Variants in AGO3 observed in about 807,000 individuals in gnomAD.
The protein encoded by AGO3 is protein argonaute-3.
AGO3 carries 16 observed loss-of-function variants against 105.5 expected under a neutral mutation model. The observed-to-expected ratio is 0.15, with a 90% CI of 0.10 to 0.23. The LOEUF is 0.23. AGO3 is among the 10% of genes least tolerant of loss of function. AGO3 has a pLI of 1.00. For missense variants in AGO3, 534 were observed against 1,088.0 expected (o/e 0.49, Z 7.16); for synonymous variants, 340 against 367.3 (o/e 0.93, Z 0.85).
intron 5 of AGO3, chr1:35,982,946 C>A: frequency 3.5e-6 from 1 of 286,844 alleles, no homozygotes; most frequent in East Asian, 6.0e-5. Flanking sequence ...AGAACCAGTA[C>A]GAAGTATAGA....
chr1:36,007,186 A>T (rs989902023), intron 6 of AGO3, among the ~76,000 whole-genome samples: 2 of 152,232 alleles, frequency 1.3e-5, no homozygotes, highest in African/African-American at 4.8e-5. Flanking sequence ...CAGTATAGGA[A>T]TCACAAATAT....
At position 36,059,145 on chromosome 1, in the gene AGO3, C is replaced by T. The variant is rs1642993188; in HGVS notation, c.*3400C>T. ...TTTTTTCTAAATTATAAAGCTTTAC[C>T]TTTTGAGTGATTTCTTTTTTAGAGT... On this transcript the variant is annotated 3_prime_UTR_variant, in exon 19 of 19. Coordinates refer to ENST00000373191, the MANE Select transcript of AGO3 (RefSeq NM_024852.4). The T allele has an allele frequency of 6.6e-6, 1 of 151,898 alleles. No individual in the cohort carries two copies. The highest frequency in any genetic ancestry group is 2.1e-4 in the South Asian group (1 of 4,822). 9.4% of individuals were successfully genotyped at this position (151,898 alleles called of 1,614,324 possible). A position where few individuals can be genotyped will look rare whatever the true frequency, so the allele number is the denominator to read the frequency against.
chr1:35,931,134 A>C lies in AGO3; in HGVS notation c.-293A>C, dbSNP rs1460933269. 2 of 380,350 alleles carry C rather than the reference A, an allele frequency of 5.3e-6. No homozygotes were observed. Among genetic ancestry groups the C allele is most frequent in the Non-Finnish European group, 9.3e-6 (2 of 215,206 alleles). 23.6% of individuals were successfully genotyped at this position (380,350 alleles called of 1,614,324 possible). ...CGGCGGCGGCGGCCCGCAGTCGTGG[A>C]GGAGCGGTGGGAGCGTCGGCGGCCG... On this transcript the variant is annotated 5_prime_UTR_variant, in exon 1 of 19. Transcript: ENST00000373191.
At chr1:35,974,415 A>C (rs930370711) in intron 5 of AGO3, among the ~76,000 whole-genome samples, 6 of 152,110 alleles carry the variant, frequency 3.9e-5, no homozygotes, top group Non-Finnish European at 8.8e-5. Flanking sequence ...GTTCTGTAGA[A>C]TATGTTCAAA....
chr1:35,954,895 G>A (rs1646536725), intron 2 of AGO3, among the ~76,000 whole-genome samples: 1 of 152,176 alleles, frequency 6.6e-6, no homozygotes, highest in African/African-American at 2.4e-5. Flanking sequence ...TCATATATGT[G>A]GTCTGTAATT....
intron 1 of AGO3, among the ~76,000 whole-genome samples, chr1:35,933,182 T>C (rs1433233174): frequency 6.6e-6 from 1 of 152,194 alleles, no homozygotes; most frequent in Non-Finnish European, 1.5e-5. Context: ...TAAAGTTTTT[T>C]CTTCAGTACA....
rs974841712 is a variant in AGO3, at chr1:36,057,643, T to G, written c.*1898T>G. ...TACAGCCTTAATTTCAGAAGGAAAG[T>G]TTTGTAATTTTCAGTTTTAAAGCAT... is the stretch of plus-strand genomic sequence containing the variant. On this transcript the variant is annotated 3_prime_UTR_variant, in exon 19 of 19. Coordinates refer to ENST00000373191, the MANE Select transcript of AGO3 (RefSeq NM_024852.4). 6.6e-6 allele frequency: 1 copy of G among 152,098 alleles called. No individual in the cohort carries two copies. The highest frequency in any genetic ancestry group is 2.4e-5 in the African/African-American group (1 of 41,424). 9.4% of individuals were successfully genotyped at this position (152,098 alleles called of 1,614,324 possible). A position where few individuals can be genotyped will look rare whatever the true frequency, so the allele number is the denominator to read the frequency against.
Position 36,008,779 on chromosome 1 carries a change from TAAG to T in AGO3, c.881+5_881+7del. On this transcript the variant is annotated splice_donor_5th_base_variant and intron_variant, in intron 7 of 18. Transcript: ENST00000373191. This position sits in a 1 kb window ranked among gnomAD's most constrained non-coding sequence, Gnocchi z 5.1. ...AAGGAGGCCTGCCAGTCATCAAACG[TAAG>T]AAAAGTTTGTCAGAGCAGCGATGGT... 6.2e-7 allele frequency: 1 copy of T among 1,614,092 alleles called. No homozygotes were observed. The highest frequency in any genetic ancestry group is 8.5e-7 in the Non-Finnish European group (1 of 1,180,008).
chr1:35,938,826 G>C (rs1380044543), intron 1 of AGO3, among the ~76,000 whole-genome samples: 1 of 152,004 alleles, frequency 6.6e-6, no homozygotes, highest in Non-Finnish European at 1.5e-5. Flanking sequence ...TGTTATAGTT[G>C]ATTTTGATTT....
In AGO3 at chr1:36,063,822, C is replaced by T. The variant is rs1477129075; in HGVS notation, c.*8077C>T. 6.6e-6 allele frequency: 1 copy of T among 152,156 alleles called. No individual in the cohort carries two copies. The highest frequency in any genetic ancestry group is 6.5e-5 in the Admixed American group (1 of 15,272). The allele number at this position is 152,156 out of a possible 1,614,324, so 9.4% of individuals were successfully genotyped here. A position where few individuals can be genotyped will look rare whatever the true frequency, so the allele number is the denominator to read the frequency against. ...TTTGTTTTGTGGCACTATCATAGTT[C>T]ACTATAACTTCAAACTCCTGGGCTC... is the stretch of plus-strand genomic sequence containing the variant. On this transcript the variant is annotated 3_prime_UTR_variant, in exon 19 of 19. Transcript: ENST00000373191.
At chr1:35,998,885 A>AT (rs1569701079) in intron 5 of AGO3, among the ~76,000 whole-genome samples, 1 of 152,056 alleles carries the variant, frequency 6.6e-6, no homozygotes, top group African/African-American at 2.4e-5. Flanking sequence ...GATATTCTAC[A>AT]TTTTTCAATA....
intron 5 of AGO3, among the ~76,000 whole-genome samples, chr1:36,003,410 G>A (rs924563044): frequency 6.6e-6 from 1 of 151,920 alleles, no homozygotes; most frequent in African/African-American, 2.4e-5. Flanking sequence ...ATTACTATCT[G>A]TAGACTGAGC....
intron 5 of AGO3, 85 bp downstream of exon 5, chr1:35,973,596 A>T: frequency 7.8e-7 from 1 of 1,281,254 alleles, no homozygotes; most frequent in Admixed American, 2.9e-5. Flanking sequence ...AATTATACAT[A>T]CTGGTGTCTC....
Position 36,034,298 on chromosome 1 carries a change from C to G in AGO3, c.1716C>G (p.Leu572=). Residue 572 remains leucine (L), a synonymous_variant, in exon 13 of 19, where the codon CTC becomes CTG. Transcript: ENST00000373191. ...SNLCLKINVK[L]GGINNILVPH... ...TGTGCCTAAAGATAAATGTTAAACT[C>G]GGAGGGATCAATAATATTCTTGTAC... 2 of 1,606,668 alleles carry G rather than the reference C, an allele frequency of 1.2e-6. No individual in the cohort carries two copies. The highest frequency in any genetic ancestry group is 1.7e-6 in the Non-Finnish European group (2 of 1,177,390).
At chr1:36,035,866 A>C (rs1641979646) in intron 13 of AGO3, among the ~76,000 whole-genome samples, 1 of 151,814 alleles carries the variant, frequency 6.6e-6, no homozygotes, top group Non-Finnish European at 1.5e-5. Flanking sequence ...CCCCATCTCT[A>C]CTAAAAAATA....
intron 2 of AGO3, among the ~76,000 whole-genome samples, chr1:35,954,271 C>T (rs889942803): frequency 9.2e-5 from 14 of 152,060 alleles, no homozygotes; most frequent in African/African-American, 3.4e-4. Context: ...CATCTAAATA[C>T]AATACTAAGT....
chr1:36,027,199 G>C lies in AGO3; in HGVS notation c.1492G>C (p.Gly498Arg), dbSNP rs1641543420. The C allele has an allele frequency of 6.2e-7, 1 of 1,614,182 alleles. No individual in the cohort carries two copies. Among genetic ancestry groups the C allele is most frequent in the Non-Finnish European group, 8.5e-7 (1 of 1,180,010 alleles). The part of the protein sequence containing the change: ...GQPCFCKYAQ[G>R]ADSVEPMFRH... ...GCCATGCTTCTGCAAATATGCACAG[G>C]GGGCAGACAGCGTAGAGCCCATGTT... is the stretch of plus-strand genomic sequence containing the variant. Residue 498 changes from glycine to arginine, a missense_variant, in exon 12 of 19, where the codon GGG becomes CGG. Coordinates refer to ENST00000373191, the MANE Select transcript of AGO3 (RefSeq NM_024852.4). This position sits in a 1 kb window ranked among gnomAD's most constrained non-coding sequence, Gnocchi z 4.0.
chr1:36,018,677 C>G (rs1251381001), intron 11 of AGO3, among the ~76,000 whole-genome samples: 2 of 152,212 alleles, frequency 1.3e-5, no homozygotes, highest in Admixed American at 1.3e-4. Flanking sequence ...GTGATTCACC[C>G]GCCTTGGCCT....
At chr1:36,044,540 C>G (rs986587577) in intron 17 of AGO3, among the ~76,000 whole-genome samples, 12 of 152,190 alleles carry the variant, frequency 7.9e-5, no homozygotes, top group African/African-American at 2.9e-4. Context: ...TCTCATGCCT[C>G]AGCCTCCCTA....
Sources: allele counts gnomAD v4.1 joint callset (sites outside exome capture counted in the v4.1 genomes callset), GRCh38; gene constraint gnomAD v4.1.1; non-coding constraint Gnocchi (gnomAD v3.1); transcripts MANE v1.5; gene names NCBI Gene and HGNC (gene_info 2026-07-23, HGNC 2026-07-21).